DYM: variants seen among roughly 807,000 people sequenced by gnomAD.
DYM encodes dymeclin.
Under a neutral mutation model 93.1 loss-of-function variants are expected in DYM, and 78 were observed. That is an observed-to-expected ratio of 0.84 (90% CI 0.70 to 1.01). The LOEUF (loss-of-function observed/expected upper bound fraction) is 1.01, where lower values mean the gene tolerates loss of function less well. DYM is among the 50% of genes least tolerant of loss of function. The pLI, the probability that DYM is intolerant of heterozygous loss-of-function variation, is 0.00. For missense variants in DYM, 789 were observed against 845.0 expected (o/e 0.93, Z 0.82); for synonymous variants, 321 against 319.7 (o/e 1.00, Z -0.04).
intron 8 of DYM, among the ~76,000 whole-genome samples, chr18:49,307,583 C>T (rs1439015130): frequency 1.3e-5 from 2 of 152,186 alleles, no homozygotes; most frequent in Non-Finnish European, 2.9e-5. Context: ...AACTAGCAGT[C>T]ACTGCCACAC....
At chr18:49,082,223 G>A (rs1738203588) in intron 17 of DYM, among the ~76,000 whole-genome samples, 1 of 152,248 alleles carries the variant, frequency 6.6e-6, no homozygotes, top group African/African-American at 2.4e-5. Context: ...TTGGTCCCAG[G>A]CTAAAAGCCA....
At chr18:49,292,379 C>G (rs566633003) in intron 8 of DYM, among the ~76,000 whole-genome samples, 2 of 150,750 alleles carry the variant, frequency 1.3e-5, no homozygotes, top group Admixed American at 6.6e-5. Context: ...CACACACACA[C>G]ACACACACAC....
At chr18:49,236,487 A>AAAATAAAT (rs1555652861) in intron 13 of DYM, among the ~76,000 whole-genome samples, 8 of 149,224 alleles carry the variant, frequency 5.4e-5, no homozygotes, top group South Asian at 2.1e-4. Context: ...CTCAAAAAAA[A>AAAATAAAT]AAATAAATAA....
chr18:49,057,592 C>T (rs917266098), intron 17 of DYM, among the ~76,000 whole-genome samples: 1 of 152,238 alleles, frequency 6.6e-6, no homozygotes, highest in African/African-American at 2.4e-5. Context: ...GCACCAGGCA[C>T]ACCACCATGA....
chr18:49,258,489 A>G lies in DYM; in HGVS notation c.1256T>C (p.Leu419Pro), dbSNP rs769538092. Residue 419 changes from leucine to proline, a missense_variant, in exon 12 of 18, where the codon CTA (leucine) becomes CCA (proline). Around this residue, in one of 3 missense-constraint regions of DYM, gnomAD observed 225 missense variants for 303.0 expected, o/e 0.74. Coordinates refer to ENST00000675505, the MANE Select transcript of DYM (RefSeq NM_001353214.3). The stretch of plus-strand genomic sequence containing the variant: ...TTCTGAATACCAAGTAATATTTTTT[A>G]GTATCTGTAATGGGGAAGAAAAGTT... Reference protein sequence around the residue: ...GFNRSIHEVILKNITWYSERV... With the variant: ...GFNRSIHEVIPKNITWYSERV... 1.3e-6 allele frequency: 2 copies of G among 1,579,046 alleles called. No individual in the cohort carries two copies. The highest frequency in any genetic ancestry group is 1.7e-6 in the Non-Finnish European group (2 of 1,148,292).
intron 2 of DYM, among the ~76,000 whole-genome samples, chr18:49,409,653 G>GA (rs1420455143): frequency 6.6e-6 from 1 of 151,992 alleles, no homozygotes; most frequent in African/African-American, 2.4e-5. Flanking sequence ...TGTTGGTAGG[G>GA]AAAAAAAGCC....
Position 49,258,361 on chromosome 18 carries a change from T to G in DYM, c.1365+19A>C. The G allele has an allele frequency of 1.3e-6, 2 of 1,502,568 alleles. No homozygotes were observed. The highest frequency in any genetic ancestry group is 1.9e-6 in the Non-Finnish European group (2 of 1,078,242). The allele number at this position is 1,502,568 out of a possible 1,614,324, so 93.1% of individuals were successfully genotyped here. The stretch of plus-strand genomic sequence containing the variant: ...TGTACTGTATGCAAAAAAGATAGAA[T>G]AGCAGCTGGAATACTTACTCGTGTC... On this transcript the variant is annotated intron_variant, in intron 12 of 17. Coordinates refer to ENST00000675505, the MANE Select transcript of DYM (RefSeq NM_001353214.3).
intron 8 of DYM, among the ~76,000 whole-genome samples, chr18:49,330,865 A>C (rs2063257657): frequency 6.6e-6 from 1 of 152,238 alleles, no homozygotes; most frequent in Admixed American, 6.5e-5. Flanking sequence ...AGAAGTGATC[A>C]CAAGTGTGAC....
intron 10 of DYM, 36 bp downstream of exon 10, chr18:49,281,961 A>C (rs2094991973): frequency 1.3e-6 from 2 of 1,597,528 alleles, no homozygotes; most frequent in African/African-American, 2.7e-5. Flanking sequence ...ATTAAAAAAA[A>C]ATACAAACGC....
chr18:49,460,189 G>C (rs1165625663), intron 1 of DYM, among the ~76,000 whole-genome samples: 1 of 152,164 alleles, frequency 6.6e-6, no homozygotes, highest in African/African-American at 2.4e-5. Context: ...ACTCCCAACA[G>C]CGGACTCGGA....
intron 13 of DYM, among the ~76,000 whole-genome samples, chr18:49,247,302 G>A (rs928297294): frequency 3.3e-5 from 5 of 152,218 alleles, no homozygotes; most frequent in African/African-American, 9.6e-5. Context: ...CTACTGCTGC[G>A]AGTAATAATT....
chr18:49,057,821 AT>A (rs747424426), intron 17 of DYM, among the ~76,000 whole-genome samples: 2 of 152,382 alleles, frequency 1.3e-5, no homozygotes, highest in Non-Finnish European at 2.9e-5. Flanking sequence ...AGACGTCTGG[AT>A]TTTAGAGGTG....
At chr18:49,297,178 T>C (rs113242677) in intron 8 of DYM, among the ~76,000 whole-genome samples, 1,636 of 152,326 alleles carry the variant, frequency 0.011, 28 homozygotes, top group African/African-American at 0.038. Context: ...CACTAGGAGA[T>C]GGGTACTTTC....
intron 3 of DYM, among the ~76,000 whole-genome samples, chr18:49,382,200 A>C (rs2147746827): frequency 6.6e-6 from 1 of 152,302 alleles, no homozygotes; most frequent in Non-Finnish European, 1.5e-5. Flanking sequence ...TGATTGATGT[A>C]ATTAAAGCGC....
intron 8 of DYM, among the ~76,000 whole-genome samples, chr18:49,292,755 C>A (rs1416501031): frequency 2.0e-5 from 3 of 152,070 alleles, no homozygotes; most frequent in African/African-American, 7.2e-5. Context: ...AAACTAACTC[C>A]TAAAATCCAT....
intron 6 of DYM, among the ~76,000 whole-genome samples, chr18:49,356,500 G>A (rs1477052148): frequency 6.6e-6 from 1 of 152,096 alleles, no homozygotes; most frequent in Non-Finnish European, 1.5e-5. Flanking sequence ...CTGACTTGCT[G>A]TAGTCACCCC....
At chr18:49,085,264 G>C (rs1363633687) in intron 17 of DYM, among the ~76,000 whole-genome samples, 1 of 152,098 alleles carries the variant, frequency 6.6e-6, no homozygotes, top group Non-Finnish European at 1.5e-5. Context: ...CCCATCTCAA[G>C]TTTAACTTAT....
chr18:49,453,448 C>A (rs1000116375), intron 1 of DYM, among the ~76,000 whole-genome samples: 2 of 152,286 alleles, frequency 1.3e-5, no homozygotes, highest in Middle Eastern at 3.4e-3. Flanking sequence ...ACACTCACTG[C>A]GAAGGTCTGC....
chr18:49,092,988 A>G (rs1264336483), intron 17 of DYM, among the ~76,000 whole-genome samples: 1 of 152,210 alleles, frequency 6.6e-6, no homozygotes, highest in Non-Finnish European at 1.5e-5. Context: ...GAAGGACCAA[A>G]GGAGAAATCA....
Sources: allele counts gnomAD v4.1 joint callset (sites outside exome capture counted in the v4.1 genomes callset), GRCh38; gene constraint gnomAD v4.1.1; regional missense constraint gnomAD v4.1.1; transcripts MANE v1.5; gene names NCBI Gene and HGNC (gene_info 2026-07-23, HGNC 2026-07-21).